NEB: variants seen among roughly 807,000 people sequenced by gnomAD.
NEB encodes the protein nemaline myopathy type 2.
A neutral mutation model predicts 952.2 loss-of-function variants in NEB; 512 were observed. The observed-to-expected ratio is 0.54, with a 90% CI of 0.50 to 0.58. NEB has a LOEUF of 0.58. Ranked by LOEUF, NEB falls within the 20% of genes least tolerant of loss-of-function variation. NEB has a pLI of 0.00. For synonymous variants in NEB, 2,900 were observed against 3,149.8 expected (o/e 0.92, Z 2.66); for missense variants, 8,428 against 9,231.1 (o/e 0.91, Z 3.56).
chr2:151,497,941 C>CATG, intron 170 of NEB: 1 of 1,446,350 alleles, frequency 6.9e-7, no homozygotes, highest in Non-Finnish European at 9.0e-7. Flanking sequence ...CAGAGTTATC[C>CATG]ATGTTATTTT....
chr2:151,696,020 T>C (rs866808864), intron 17 of NEB, among the ~76,000 whole-genome samples: 2 of 152,244 alleles, frequency 1.3e-5, no homozygotes, highest in Non-Finnish European at 2.9e-5. Flanking sequence ...TTTCCTTTCA[T>C]CTGATTAAGA....
At position 151,680,787 on chromosome 2, in the gene NEB, C is replaced by A. The variant is rs574544074; in HGVS notation, c.2985G>T (p.Ser995=). ...RQHPDTLKFT[S]IEDAPITVQS... ...GTACTGTAATTGGAGCATCTTCAAT[C>A]GAGGTAAACTTGAGGGTGTCTGGAT... Residue 995 remains serine (S), a synonymous_variant, in exon 30 of 182, where the codon TCG becomes TCT. Transcript: ENST00000397345. 2 of 1,613,432 alleles carry A rather than the reference C, an allele frequency of 1.2e-6. No individual in the cohort carries two copies. The highest frequency in any genetic ancestry group is 1.1e-5 in the South Asian group (1 of 91,074).
At chr2:151,561,386 C>G in intron 121 of NEB, 74 bp from the exon 122 acceptor site, 1 of 974,678 alleles carries the variant, frequency 1.0e-6, no homozygotes, top group Non-Finnish European at 1.6e-6. Context: ...CTTGTGCCAA[C>G]TTACATGTGC....
intron 50 of NEB, 25 bp downstream of exon 50, chr2:151,655,792 T>C: frequency 6.2e-7 from 1 of 1,609,726 alleles, no homozygotes. Flanking sequence ...GTGGGAGCTG[T>C]GTGGACGGCC....
intron 121 of NEB, 129 bp downstream of exon 121, chr2:151,561,981 A>G: frequency 1.4e-6 from 1 of 696,128 alleles, no homozygotes; most frequent in Admixed American, 2.3e-5. Context: ...TGATTGGGAG[A>G]GGAGGGGCTT....
intron 161 of NEB, 85 bp from the exon 162 acceptor site, chr2:151,508,194 TC>T: frequency 1.2e-6 from 1 of 848,838 alleles, no homozygotes; most frequent in Non-Finnish European, 1.8e-6. Context: ...TTTTAGCCCT[TC>T]CAGGCTCAGC....
intron 178 of NEB, 142 bp downstream of exon 178, chr2:151,491,954 CTA>C (rs1208992134): frequency 6.7e-6 from 7 of 1,046,598 alleles, no homozygotes; most frequent in African/African-American, 3.2e-5. Context: ...GCTTTGTAAA[CTA>C]TGAGATAATA....
chr2:151,574,126 C>T (rs2096747203), intron 107 of NEB, among the ~76,000 whole-genome samples: 1 of 152,154 alleles, frequency 6.6e-6, no homozygotes, highest in Non-Finnish European at 1.5e-5. Context: ...AGGCACCCAC[C>T]ACCACGCCCA....
chr2:151,631,101 T>A (rs1237301456), intron 66 of NEB, 42 bp downstream of exon 66: 2 of 1,605,972 alleles, frequency 1.2e-6, no homozygotes, highest in Non-Finnish European at 1.7e-6. Flanking sequence ...TATAATAACA[T>A]CTTCTGGCAT....
intron 161 of NEB, among the ~76,000 whole-genome samples, chr2:151,508,601 C>T (rs189056008): frequency 3.9e-5 from 6 of 152,326 alleles, no homozygotes; most frequent in Admixed American, 3.3e-4. Context: ...GCGGTCAGGG[C>T]TCCCAGCTAT....
rs777262259 is a variant in NEB, at chr2:151,697,692, C to T, written c.1153-44G>A. On this transcript the variant is annotated intron_variant, in intron 13 of 181. Coordinates refer to ENST00000397345, the MANE Select transcript of NEB (RefSeq NM_001164508.2). ...TCAGTTAAAGTAGATTCCTGTCACTCCCACGCTGATTATAACACTTACATT... is the reference window on the plus strand; with the variant it reads ...TCAGTTAAAGTAGATTCCTGTCACTTCCACGCTGATTATAACACTTACATT... The T allele has an allele frequency of 4.9e-6, 6 of 1,235,272 alleles. No individual in the cohort carries two copies. In the African/African-American group the frequency reaches 7.6e-5, roughly 16 times the overall value. The allele number at this position is 1,235,272 out of a possible 1,614,324, so 76.5% of individuals were successfully genotyped here.
chr2:151,613,960 G>A (rs570173271), intron 77 of NEB, among the ~76,000 whole-genome samples: 1 of 152,304 alleles, frequency 6.6e-6, no homozygotes, highest in South Asian at 2.1e-4. Context: ...GAACAGACTA[G>A]TACAGAGTTG....
Position 151,653,982 on chromosome 2 carries a change from T to G in NEB, c.6915+10A>C. On this transcript the variant is annotated intron_variant, in intron 52 of 181. Transcript: ENST00000397345. Reference sequence around the variant, plus strand: ...AAATATAGCCTTATAGAACTCAAACTAGTACTCACATCACTAGCAATGTCT... The same window carrying G: ...AAATATAGCCTTATAGAACTCAAACGAGTACTCACATCACTAGCAATGTCT... The G allele has an allele frequency of 6.3e-7, 1 of 1,583,380 alleles. No homozygotes were observed. Among genetic ancestry groups the G allele is most frequent in the Non-Finnish European group, 8.7e-7 (1 of 1,153,266 alleles).
intron 77 of NEB, among the ~76,000 whole-genome samples, chr2:151,613,968 T>C (rs969090619): frequency 6.6e-6 from 1 of 152,152 alleles, no homozygotes; most frequent in Non-Finnish European, 1.5e-5. Flanking sequence ...TAGTACAGAG[T>C]TGTTGCTGAT....
chr2:151,663,929 G>A (rs1433437266), intron 44 of NEB, 70 bp from the exon 45 acceptor site: 2 of 1,464,850 alleles, frequency 1.4e-6, no homozygotes, highest in East Asian at 2.3e-5. Flanking sequence ...GCTAGGTGAT[G>A]TGAGCTTTGT....
intron 76 of NEB, among the ~76,000 whole-genome samples, chr2:151,615,398 G>A (rs1445740844): frequency 6.6e-6 from 1 of 152,218 alleles, no homozygotes; most frequent in Non-Finnish European, 1.5e-5. Context: ...GCCACCCTTA[G>A]GAGGTGTTTC....
At position 151,620,953 on chromosome 2, in the gene NEB, A is replaced by G; in HGVS notation, c.10526T>C (p.Val3509Ala). The change falls in exon 72 of 182, where the codon GTG becomes GCG. Residue 3509 changes from valine (V) to alanine (A), a missense_variant. Val to Ala is a moderately conservative substitution (Grantham distance 64). This residue lies in a region of NEB where 1,772 missense variants were observed against 1,960.3 expected (regional missense o/e 0.90). Coordinates refer to ENST00000397345, the MANE Select transcript of NEB (RefSeq NM_001164508.2). ...AATATCCCGAGAGGCCTTGGCAGCC[A>G]CAATGGGAATGGCATCACTTCTCAA... ...YDLRSDAIPI[V>A]AAKASRDIAS... The G allele has an allele frequency of 6.2e-7, 1 of 1,612,956 alleles. No homozygotes were observed. Among genetic ancestry groups the G allele is most frequent in the South Asian group, 1.1e-5 (1 of 90,768 alleles).
intron 18 of NEB, 140 bp from the exon 19 acceptor site, chr2:151,694,769 T>C: frequency 1.4e-6 from 1 of 697,872 alleles, no homozygotes; most frequent in Non-Finnish European, 2.4e-6. Flanking sequence ...CATGCATATT[T>C]TAAATATTTC....
intron 161 of NEB, among the ~76,000 whole-genome samples, chr2:151,512,011 CT>C (rs1460651680): frequency 1.4e-5 from 2 of 143,756 alleles, no homozygotes; most frequent in Non-Finnish European, 3.0e-5. Flanking sequence ...ATAGGTTACC[CT>C]CTCACTCTTT....
Sources: gnomAD v4.1 joint callset for allele counts (sites outside exome capture counted in the v4.1 genomes callset) on GRCh38, gnomAD v4.1.1 for gene constraint, gnomAD v4.1.1 regional missense constraint, MANE v1.5 for transcripts, NCBI Gene and HGNC (gene_info 2026-07-23, HGNC 2026-07-21) for gene names.